The following DLG2 variants were observed in gnomAD, a reference collection of about 807,000 sequenced individuals.
The protein encoded by DLG2 is disks large homolog 2.
A neutral mutation model predicts 132.5 loss-of-function variants in DLG2; 45 were observed. That is an observed-to-expected ratio of 0.34 (90% CI 0.27 to 0.44). DLG2 has a LOEUF of 0.44. DLG2 is among the 20% of genes least tolerant of loss of function. DLG2 has a pLI of 1.00. For synonymous variants in DLG2, 424 were observed against 419.6 expected (o/e 1.01, Z -0.13); for missense variants, 1,045 against 1,196.9 (o/e 0.87, Z 1.87).
chr11:84,031,857 C>G (rs146054521), intron 11 of DLG2, among the ~76,000 whole-genome samples: 1 of 152,284 alleles, frequency 6.6e-6, no homozygotes, highest in East Asian at 1.9e-4. Flanking sequence ...TGTGTGTTCA[C>G]TTCACGTCGT....
chr11:84,206,792 AT>A (rs1317721999), intron 8 of DLG2, among the ~76,000 whole-genome samples: 1 of 152,020 alleles, frequency 6.6e-6, no homozygotes, highest in African/African-American at 2.4e-5. Flanking sequence ...AAGGCATAAA[AT>A]TTGGGGAATA....
intron 3 of DLG2, among the ~76,000 whole-genome samples, chr11:85,385,554 A>G (rs929988879): frequency 6.6e-5 from 10 of 152,208 alleles, no homozygotes; most frequent in African/African-American, 2.4e-4. Context: ...CAGAAATCCA[A>G]AGAGGATCAG....
In DLG2 at chr11:84,768,002, T is replaced by C. The variant is rs572768093; in HGVS notation, c.358-233271A>G. ...TACTGAAGTTATGGAAGGAGAACAA[T>C]AAAGAGGAGGACTCAATCTGAGTCT... On this transcript the variant is annotated intron_variant, in intron 6 of 27. Coordinates refer to ENST00000376104, the MANE Select transcript of DLG2 (RefSeq NM_001142699.3). 2.6e-5 allele frequency among the ~76,000 whole-genome samples: 4 copies of C among 152,214 alleles called. No homozygotes were observed. The South Asian group carries it at 8.3e-4, about 32-fold the overall frequency.
At chr11:85,392,340 A>G (rs999113269) in intron 3 of DLG2, among the ~76,000 whole-genome samples, 1 of 152,118 alleles carries the variant, frequency 6.6e-6, no homozygotes, top group African/African-American at 2.4e-5. Flanking sequence ...TAGAATCAAT[A>G]TTGTGAAAAT....
At chr11:83,797,790 A>T (rs967471421) in intron 17 of DLG2, among the ~76,000 whole-genome samples, 36 of 152,102 alleles carry the variant, frequency 2.4e-4, no homozygotes, top group African/African-American at 8.7e-4. Context: ...AGTGCTGGGA[A>T]TACAGGCGTG....
chr11:83,781,218 A>G (rs929066263), intron 18 of DLG2, among the ~76,000 whole-genome samples: 5 of 152,060 alleles, frequency 3.3e-5, no homozygotes, highest in Non-Finnish European at 4.4e-5. Flanking sequence ...CTTGCCCACT[A>G]TATATTTCTC....
At chr11:85,467,035 A>ATT (rs1484775683) in intron 3 of DLG2, among the ~76,000 whole-genome samples, 2 of 152,120 alleles carry the variant, frequency 1.3e-5, no homozygotes, top group Non-Finnish European at 2.9e-5. Flanking sequence ...AATCCCTTGT[A>ATT]AGTTGGATTC....
At chr11:83,888,700 G>T (rs1426899892) in intron 15 of DLG2, among the ~76,000 whole-genome samples, 1 of 151,648 alleles carries the variant, frequency 6.6e-6, no homozygotes, top group Non-Finnish European at 1.5e-5. Flanking sequence ...CTTCAAACTT[G>T]TAGTATACTA....
At position 85,601,254 on chromosome 11, in the gene DLG2, T is replaced by C. The variant is rs190579621; in HGVS notation, c.-92-2466A>G. Among the ~76,000 whole-genome samples the C allele has an allele frequency of 2.0e-5, 3 of 152,250 alleles. No individual in the cohort carries two copies. The East Asian group carries it at 5.8e-4, about 29-fold the overall frequency. ...AACTCCTGACCTCAAGCAATCCTCC[T>C]GCCTTGACCTCCCAAAGTGCTGGGA... On this transcript the variant is annotated intron_variant, in intron 2 of 27. Coordinates refer to ENST00000376104, the MANE Select transcript of DLG2 (RefSeq NM_001142699.3).
At chr11:85,451,665 T>C (rs979177190) in intron 3 of DLG2, among the ~76,000 whole-genome samples, 1 of 152,200 alleles carries the variant, frequency 6.6e-6, no homozygotes, top group East Asian at 1.9e-4. Flanking sequence ...TTAGATAATT[T>C]AGATAATTTG....
intron 7 of DLG2, among the ~76,000 whole-genome samples, chr11:84,253,517 G>A (rs1177621835): frequency 1.3e-5 from 2 of 152,110 alleles, no homozygotes; most frequent in African/African-American, 4.8e-5. Context: ...TTATTGGATG[G>A]CTTGTAAACT....
chr11:83,834,540 G>T (rs958954571), intron 16 of DLG2, among the ~76,000 whole-genome samples: 5 of 152,258 alleles, frequency 3.3e-5, no homozygotes, highest in Non-Finnish European at 5.9e-5. Flanking sequence ...AAGGAGAGAT[G>T]AGTGGAATCC....
intron 18 of DLG2, among the ~76,000 whole-genome samples, chr11:83,694,328 A>G (rs552996377): frequency 3.1e-4 from 47 of 152,210 alleles, no homozygotes; most frequent in Non-Finnish European, 5.7e-4. Flanking sequence ...TGTTCAGCAT[A>G]TTAAGTGCCT....
intron 3 of DLG2, among the ~76,000 whole-genome samples, chr11:85,505,748 A>G (rs2093915780): frequency 6.6e-6 from 1 of 152,148 alleles, no homozygotes; most frequent in South Asian, 2.1e-4. Context: ...TGAGTTAGGG[A>G]GGATTCCCGC....
At chr11:85,549,745 G>A (rs2076556867) in intron 3 of DLG2, among the ~76,000 whole-genome samples, 1 of 152,166 alleles carries the variant, frequency 6.6e-6, no homozygotes, top group Admixed American at 6.5e-5. Flanking sequence ...AAATCAAGAT[G>A]GTGATGAAAG....
At chr11:84,465,065 G>C (rs1277053200) in intron 7 of DLG2, among the ~76,000 whole-genome samples, 1 of 151,142 alleles carries the variant, frequency 6.6e-6, no homozygotes, top group Non-Finnish European at 1.5e-5. Flanking sequence ...GTACTATGTA[G>C]ACTATCACAG....
At chr11:83,659,128 T>C (rs1301820236) in intron 18 of DLG2, among the ~76,000 whole-genome samples, 1 of 152,232 alleles carries the variant, frequency 6.6e-6, no homozygotes, top group Non-Finnish European at 1.5e-5. Flanking sequence ...GATTATGGGA[T>C]AACAGTCATT....
chr11:83,514,317 T>C (rs1032330563), intron 21 of DLG2, among the ~76,000 whole-genome samples: 3 of 152,170 alleles, frequency 2.0e-5, no homozygotes, highest in Admixed American at 6.5e-5. Context: ...CACTCATGAT[T>C]TGGCTCTCTG....
intron 7 of DLG2, among the ~76,000 whole-genome samples, chr11:84,327,305 A>G (rs2098437466): frequency 6.6e-6 from 1 of 151,160 alleles, no homozygotes; most frequent in African/African-American, 2.4e-5. Context: ...CAGGTCTCGA[A>G]CTCCTGACTT....
Sources: allele counts gnomAD v4.1 joint callset (sites outside exome capture counted in the v4.1 genomes callset), GRCh38; gene constraint gnomAD v4.1.1; transcripts MANE v1.5; gene names NCBI Gene and HGNC (gene_info 2026-07-23, HGNC 2026-07-21).